Variants in CDC37L1 observed in about 807,000 individuals in gnomAD.
CDC37L1 encodes cell division cycle 37 like 1, HSP90 cochaperone, also known as hsp90 co-chaperone Cdc37-like 1.
In CDC37L1, 32 loss-of-function variants were observed where a neutral mutation model predicts 45.9. The observed-to-expected ratio is 0.70, with a 90% confidence interval of 0.53 to 0.94. CDC37L1 has a LOEUF of 0.94. Ranked by LOEUF, CDC37L1 falls within the 40% of genes least tolerant of loss-of-function variation. The pLI, the probability that CDC37L1 is intolerant of heterozygous loss-of-function variation, is 0.00. For synonymous variants in CDC37L1, 150 were observed against 133.0 expected (o/e 1.13, Z -0.88); for missense variants, 434 against 405.7 (o/e 1.07, Z -0.60).
Position 4,701,048 on chromosome 9 carries a change from C to G in CDC37L1, c.748-816C>G, listed in dbSNP as rs928855578. 3.9e-5 allele frequency among the ~76,000 whole-genome samples: 6 copies of G among 152,330 alleles called. No individual in the cohort carries two copies. The East Asian group carries it at 1.2e-3, about 29-fold the overall frequency. On this transcript the variant is annotated intron_variant, in intron 5 of 6. Transcript: ENST00000381854. ...ATAGGATGGCAGCACAGAACACTCT[C>G]TGCATTATTTCAATAGAAGCTGATG...
intron 3 of CDC37L1, among the ~76,000 whole-genome samples, chr9:4,689,458 A>T (rs1247785376): frequency 1.3e-5 from 2 of 151,434 alleles, no homozygotes; most frequent in Non-Finnish European, 2.9e-5. Flanking sequence ...CGTTTTTTGA[A>T]TTTCGTTTAT....
chr9:4,691,585 T>G (rs1841301406), intron 3 of CDC37L1, among the ~76,000 whole-genome samples: 2 of 152,132 alleles, frequency 1.3e-5, no homozygotes, highest in Non-Finnish European at 2.9e-5. Flanking sequence ...CTGGTGTGTG[T>G]GGGGGCTGTA....
At chr9:4,705,989 T>A in intron 6 of CDC37L1, 22 bp from the exon 7 acceptor site, 1 of 1,201,162 alleles carries the variant, frequency 8.3e-7, no homozygotes. Context: ...CTCCCCCCAA[T>A]CTACCTTTTC....
chr9:4,702,179 G>A (rs1177233109), intron 6 of CDC37L1, 151 bp downstream of exon 6: 9 of 452,238 alleles, frequency 2.0e-5, no homozygotes, highest in Non-Finnish European at 3.5e-5. Flanking sequence ...TTCATGCCAT[G>A]TTTTGGTGCT....
chr9:4,682,936 A>G (rs1841209997), intron 1 of CDC37L1, among the ~76,000 whole-genome samples: 2 of 148,212 alleles, frequency 1.3e-5, no homozygotes, highest in Admixed American at 6.8e-5. Flanking sequence ...TAAGATAACA[A>G]AAAGTAAAAA....
chr9:4,686,019 TG>T (rs1841243545), intron 2 of CDC37L1, among the ~76,000 whole-genome samples: 1 of 152,146 alleles, frequency 6.6e-6, no homozygotes, highest in South Asian at 2.1e-4. Context: ...GAAAATTAGC[TG>T]AGTATGATGG....
Position 4,679,773 on chromosome 9 carries a change from A to G in CDC37L1, c.6A>G (p.Glu2=). M[E]QPWPPPGPWS... ...AGGACCCGGAGCAGCCGGACATGGA[A>G]CAACCGTGGCCGCCTCCGGGACCCT... is the stretch of plus-strand genomic sequence containing the variant. The change falls in exon 1 of 7, where the codon GAA becomes GAG. Residue 2 remains glutamate (E), a synonymous_variant. Coordinates refer to ENST00000381854, the MANE Select transcript of CDC37L1 (RefSeq NM_017913.4). 1.2e-6 allele frequency: 2 copies of G among 1,612,324 alleles called. No individual in the cohort carries two copies. Among genetic ancestry groups the G allele is most frequent in the South Asian group, 1.1e-5 (1 of 90,962 alleles).
intron 1 of CDC37L1, among the ~76,000 whole-genome samples, chr9:4,681,194 G>A (rs935265284): frequency 6.6e-6 from 1 of 152,216 alleles, no homozygotes; most frequent in Non-Finnish European, 1.5e-5. Context: ...AGGGTGTCAA[G>A]AATTTCAGTG....
At position 4,697,804 on chromosome 9, in the gene CDC37L1, G is replaced by A. The variant is rs1383357000; in HGVS notation, c.672G>A (p.Gln224=). 1 of 1,597,762 alleles carries A rather than the reference G, an allele frequency of 6.3e-7. No individual in the cohort carries two copies. Among genetic ancestry groups the A allele is most frequent in the Non-Finnish European group, 8.6e-7 (1 of 1,165,374 alleles). The change falls in exon 5 of 7, where the codon CAG becomes CAA. Residue 224 remains glutamine, a synonymous_variant. Transcript: ENST00000381854. The part of the protein sequence containing the change: ...EQIAHQAVVM[Q]FIMEMAKNCN... ...TAGCACATCAAGCTGTTGTAATGCAGTTTATTATGGAAATGGCCAAAAACT... is the reference window on the plus strand; with the variant it reads ...TAGCACATCAAGCTGTTGTAATGCAATTTATTATGGAAATGGCCAAAAACT...
At chr9:4,682,135 ACTTTT>A (rs1043386377) in intron 1 of CDC37L1, among the ~76,000 whole-genome samples, 2 of 147,246 alleles carry the variant, frequency 1.4e-5, no homozygotes, top group African/African-American at 5.0e-5. Context: ...TTACCATATT[ACTTTT>A]CTTGATATAT....
At position 4,688,535 on chromosome 9, in the gene CDC37L1, G is replaced by A; in HGVS notation, c.437G>A (p.Arg146Lys). ...FNKSFINQDK[R>K]KDTEDEDKSE... ...TAGAGTTTTATTAATCAAGATAAAA[G>A]AAAAGACACAGAAGATGAAGATAAA... Residue 146 changes from arginine to lysine, a missense_variant, in exon 3 of 7, where the codon AGA becomes AAA. Arg to Lys is a conservative substitution (Grantham distance 26). Coordinates refer to ENST00000381854, the MANE Select transcript of CDC37L1 (RefSeq NM_017913.4). 6.6e-7 allele frequency: 1 copy of A among 1,516,810 alleles called. No individual in the cohort carries two copies. 94.0% of individuals were successfully genotyped at this position (1,516,810 alleles called of 1,614,324 possible).
chr9:4,699,176 A>G (rs1841375764), intron 5 of CDC37L1, among the ~76,000 whole-genome samples: 2 of 152,224 alleles, frequency 1.3e-5, no homozygotes, highest in African/African-American at 4.8e-5. Flanking sequence ...TGTTCATAGT[A>G]GATTGTAATA....
In CDC37L1 at chr9:4,685,115, G is replaced by A; in HGVS notation, c.371G>A (p.Cys124Tyr). 6.2e-7 allele frequency: 1 copy of A among 1,613,906 alleles called. No individual in the cohort carries two copies. The change falls in exon 2 of 7, where the codon TGT (cysteine) becomes TAT (tyrosine). Residue 124 changes from cysteine (C) to tyrosine (Y), a missense_variant. Cys to Tyr is a radical substitution (Grantham distance 194, BLOSUM62 -2). Transcript: ENST00000381854. Reference sequence around the variant, plus strand: ...GCTCTAGTACAAAGAGAGAAGATGTGTCTGTGGAGCACGGATGCCATTAGC... The same window carrying A: ...GCTCTAGTACAAAGAGAGAAGATGTATCTGTGGAGCACGGATGCCATTAGC... ...EEALVQREKM[C>Y]LWSTDAISKD...
In CDC37L1 at chr9:4,707,897, A is replaced by C. The variant is rs545887990; in HGVS notation, c.*1785A>C. On this transcript the variant is annotated 3_prime_UTR_variant, in exon 7 of 7. Transcript: ENST00000381854. ...CCTGTAAGCATTCAAATTGTTTTGA[A>C]TTTCATTTTGCCTTCTCTAAGTTAG... 5 of 152,296 alleles carry C rather than the reference A, an allele frequency of 3.3e-5. No homozygotes were observed. In the South Asian group the frequency reaches 1.0e-3, roughly 32 times the overall value. 9.4% of individuals were successfully genotyped at this position (152,296 alleles called of 1,614,324 possible). A position where few individuals can be genotyped will look rare whatever the true frequency, so the allele number is the denominator to read the frequency against.
At chr9:4,701,804 T>C (rs1563772808) in intron 5 of CDC37L1, 60 bp from the exon 6 acceptor site, 1 of 1,319,640 alleles carries the variant, frequency 7.6e-7, no homozygotes, top group East Asian at 2.4e-5. Context: ...CTTTCTGGAA[T>C]TTACTATGTC....
intron 3 of CDC37L1, among the ~76,000 whole-genome samples, chr9:4,691,777 A>G (rs2130847994): frequency 6.6e-6 from 1 of 152,286 alleles, no homozygotes; most frequent in South Asian, 2.1e-4. Flanking sequence ...ATCATGGACT[A>G]TTATAAAGCA....
At chr9:4,682,923 T>C (rs1484514556) in intron 1 of CDC37L1, among the ~76,000 whole-genome samples, 1 of 149,516 alleles carries the variant, frequency 6.7e-6, no homozygotes, top group Non-Finnish European at 1.5e-5. Flanking sequence ...CTTGATCCTA[T>C]TCTAAGATAA....
intron 1 of CDC37L1, among the ~76,000 whole-genome samples, chr9:4,683,112 ATATAT>A (rs1841213940): frequency 7.0e-6 from 1 of 143,620 alleles, no homozygotes; most frequent in African/African-American, 2.5e-5. Flanking sequence ...TATATATAAA[ATATAT>A]TTTATATATA....
intron 3 of CDC37L1, among the ~76,000 whole-genome samples, chr9:4,696,225 G>A (rs1841346274): frequency 6.6e-6 from 1 of 152,140 alleles, no homozygotes; most frequent in Non-Finnish European, 1.5e-5. Flanking sequence ...ATATATAGGA[G>A]TTCATTTTGC....
Sources: gnomAD v4.1 joint callset for allele counts (sites outside exome capture counted in the v4.1 genomes callset) on GRCh38, gnomAD v4.1.1 for gene constraint, MANE v1.5 for transcripts, NCBI Gene and HGNC (gene_info 2026-07-23, HGNC 2026-07-21) for gene names.